The following NIPA1 variants were observed in gnomAD, a reference collection of about 807,000 sequenced individuals.
NIPA1 encodes magnesium transporter NIPA1.
A neutral mutation model predicts 23.9 loss-of-function variants in NIPA1; 13 were observed. That is an observed-to-expected ratio of 0.54 (90% CI 0.35 to 0.87). The LOEUF is 0.87. Ranked by LOEUF, NIPA1 falls within the 40% of genes least tolerant of loss-of-function variation. The probability of loss-of-function intolerance (pLI) is 0.01; values close to 1 mark genes in which losing one functional copy is unlikely to be tolerated. For missense variants in NIPA1, 362 were observed against 429.7 expected (o/e 0.84, Z 1.39); for synonymous variants, 234 against 202.9 (o/e 1.15, Z -1.30).
chr15:22,818,280 C>T (rs569070031), intron 3 of NIPA1, among the ~76,000 whole-genome samples: 13 of 149,258 alleles, frequency 8.7e-5, no homozygotes, highest in African/African-American at 2.7e-4. Flanking sequence ...CTACTAAATA[C>T]AAAAAATTAG....
At chr15:22,805,217 G>C (rs186380019) in intron 1 of NIPA1, among the ~76,000 whole-genome samples, 20 of 152,226 alleles carry the variant, frequency 1.3e-4, no homozygotes, top group African/African-American at 4.3e-4. Context: ...TATTTCTTAG[G>C]AAAAATAAGT....
At position 22,793,078 on chromosome 15, in the gene NIPA1, G is replaced by A. The variant is rs139626214; in HGVS notation, c.178+6244G>A. On this transcript the variant is annotated intron_variant, in intron 1 of 4. Coordinates refer to ENST00000337435, the MANE Select transcript of NIPA1 (RefSeq NM_144599.5). The stretch of plus-strand genomic sequence containing the variant: ...TCTGTCTCAAAAATCCCGGGCGTGC[G>A]GTGGCTCATGCCTATAATCACAGCA... 1.4e-3 allele frequency among the ~76,000 whole-genome samples: 210 copies of A among 151,536 alleles called. 1 individual carries two copies. The highest frequency in any genetic ancestry group is 4.5e-3 in the African/African-American group (185 of 41,308).
intron 1 of NIPA1, among the ~76,000 whole-genome samples, chr15:22,796,182 A>G (rs538738132): frequency 1.3e-3 from 198 of 152,106 alleles, no homozygotes; most frequent in Non-Finnish European, 2.3e-3. Context: ...TCAGCCTCCC[A>G]AAGTGCTGGG....
At chr15:22,796,899 G>A (rs1350672336) in intron 1 of NIPA1, among the ~76,000 whole-genome samples, 1 of 152,088 alleles carries the variant, frequency 6.6e-6, no homozygotes, top group Non-Finnish European at 1.5e-5. Flanking sequence ...CCTAGGCTTA[G>A]TCATATTTTT....
intron 1 of NIPA1, among the ~76,000 whole-genome samples, chr15:22,803,826 C>G (rs1173802687): frequency 6.7e-6 from 1 of 150,178 alleles, no homozygotes; most frequent in African/African-American, 2.5e-5. Context: ...ACTACAGGCA[C>G]CCGCCACCAC....
rs577577326 is a variant in NIPA1, at chr15:22,805,954, C to T, written c.179-4795C>T. Among the ~76,000 whole-genome samples the T allele has an allele frequency of 1.1e-4, 16 of 152,066 alleles. No homozygotes were observed. The South Asian group carries it at 3.3e-3, about 32-fold the overall frequency. On this transcript the variant is annotated intron_variant, in intron 1 of 4. Transcript: ENST00000337435. Reference sequence around the variant, plus strand: ...ATTTATTTATTTTGGGATGGAGTCTCACTCTGTCGCCCAGGCTGGAGTGCA... The same window carrying T: ...ATTTATTTATTTTGGGATGGAGTCTTACTCTGTCGCCCAGGCTGGAGTGCA...
intron 1 of NIPA1, among the ~76,000 whole-genome samples, chr15:22,788,987 T>C (rs1023469108): frequency 5.9e-5 from 9 of 151,816 alleles, no homozygotes; most frequent in Non-Finnish European, 1.2e-4. Flanking sequence ...TTCATTTATT[T>C]ATTTTTTATT....
intron 3 of NIPA1, chr15:22,813,497 A>G: frequency 2.8e-6 from 1 of 361,904 alleles, no homozygotes; most frequent in South Asian, 2.2e-5. Flanking sequence ...CTTATTAAAT[A>G]ACATATATCC....
In NIPA1 at chr15:22,822,793, A is replaced by G. The variant is rs981693560; in HGVS notation, c.479-935A>G. Among the ~76,000 whole-genome samples the G allele has an allele frequency of 3.3e-5, 5 of 151,948 alleles. No homozygotes were observed. In the South Asian group the frequency reaches 8.3e-4, roughly 25 times the overall value. ...AGTGAGCAGAGATCGTGCTATTGCA[A>G]TCCAGCCTGGGCAACAAAGAGCAAA... On this transcript the variant is annotated intron_variant, in intron 4 of 4. Coordinates refer to ENST00000337435, the MANE Select transcript of NIPA1 (RefSeq NM_144599.5).
chr15:22,800,036 T>C (rs888183803), intron 1 of NIPA1, among the ~76,000 whole-genome samples: 7 of 136,870 alleles, frequency 5.1e-5, no homozygotes, highest in Non-Finnish European at 1.1e-4. Context: ...AAGACTGGGG[T>C]GAGGGTTGAA....
intron 3 of NIPA1, chr15:22,819,243 A>G (rs951639907): frequency 7.2e-5 from 11 of 152,128 alleles, no homozygotes; most frequent in African/African-American, 2.2e-4. Context: ...CTTAGGTTCA[A>G]TGCTGACCCT....
chr15:22,812,868 C>A (rs943816551), intron 3 of NIPA1, among the ~76,000 whole-genome samples: 3 of 152,074 alleles, frequency 2.0e-5, no homozygotes, highest in Non-Finnish European at 4.4e-5. Flanking sequence ...TCTTCTGACA[C>A]CTTGGCAAGT....
chr15:22,798,238 CTT>C (rs10582336), intron 1 of NIPA1, among the ~76,000 whole-genome samples: 49,022 of 124,496 alleles, frequency 0.39, 8,911 homozygotes, highest in East Asian at 0.8. Context: ...TGCTAAAAAT[CTT>C]TTTTTTTTTT....
chr15:22,824,282 G>A lies in NIPA1; in HGVS notation c.*43G>A. Reference sequence around the variant, plus strand: ...GATGGTTCGAGGAATAGGCATTGGAGGTGGTTTCTGGCCGTGATTGGATGT... The same window carrying A: ...GATGGTTCGAGGAATAGGCATTGGAAGTGGTTTCTGGCCGTGATTGGATGT... On this transcript the variant is annotated 3_prime_UTR_variant, in exon 5 of 5. Coordinates refer to ENST00000337435, the MANE Select transcript of NIPA1 (RefSeq NM_144599.5). The surrounding 1 kb of genome is among the most constrained non-coding windows in gnomAD (Gnocchi z 4.1). The A allele has an allele frequency of 6.5e-7, 1 of 1,545,492 alleles. No individual in the cohort carries two copies. Among genetic ancestry groups the A allele is most frequent in the Non-Finnish European group, 8.9e-7 (1 of 1,118,002 alleles).
chr15:22,811,898 T>A (rs1895324607), intron 2 of NIPA1, among the ~76,000 whole-genome samples: 1 of 152,186 alleles, frequency 6.6e-6, no homozygotes, highest in South Asian at 2.1e-4. Flanking sequence ...ATATGCCCAG[T>A]GCTGCGCCCA....
Position 22,791,475 on chromosome 15 carries a change from C to CTTTTTTTTTT in NIPA1, c.178+4656_178+4665dup, listed in dbSNP as rs11428709. On this transcript the variant is annotated intron_variant, in intron 1 of 4. Coordinates refer to ENST00000337435, the MANE Select transcript of NIPA1 (RefSeq NM_144599.5). Reference sequence around the variant, plus strand: ...ATTTGAGGCATGGCTTCCTCTTTCACTTTTTTTTTTTTTTTTTTTTTTTTG... The same window carrying CTTTTTTTTTT: ...ATTTGAGGCATGGCTTCCTCTTTCACTTTTTTTTTTTTTTTTTTTTTTTTTTTTTTTTTTG... 5.5e-4 allele frequency among the ~76,000 whole-genome samples: 10 copies of CTTTTTTTTTT among 18,072 alleles called. 2 individuals carry two copies. The highest frequency in any genetic ancestry group is 7.1e-4 in the African/African-American group (4 of 5,644). The allele number at this position is 18,072 out of a possible 152,430, so 11.9% of individuals were successfully genotyped here. A position where few individuals can be genotyped will look rare whatever the true frequency, so the allele number is the denominator to read the frequency against.
chr15:22,816,580 C>T (rs1471606837), intron 3 of NIPA1, among the ~76,000 whole-genome samples: 1 of 146,474 alleles, frequency 6.8e-6, no homozygotes, highest in African/African-American at 2.5e-5. Flanking sequence ...CAACCTCGGC[C>T]TCCTGGGTTC....
rs1309017898 is a variant in NIPA1, at chr15:22,829,358, A to C, written c.*5119A>C. The C allele has an allele frequency of 6.6e-6, 1 of 152,414 alleles. No homozygotes were observed. Among genetic ancestry groups the C allele is most frequent in the African/African-American group, 2.4e-5 (1 of 41,436 alleles). The allele number at this position is 152,414 out of a possible 1,614,324, so 9.4% of individuals were successfully genotyped here. ...CGAATGTCAGGGCTCCCAAACCACT[A>C]GTGCCAAAGGGTCATGTTGAAAAGT... On this transcript the variant is annotated 3_prime_UTR_variant, in exon 5 of 5. Coordinates refer to ENST00000337435, the MANE Select transcript of NIPA1 (RefSeq NM_144599.5).
upstream of NIPA1, chr15:22,786,368 C>G (rs1894695983): frequency 6.5e-6 from 1 of 153,798 alleles, no homozygotes. Flanking sequence ...GCGTGTTTCT[C>G]CGCGCTGGAA....
Sources: gnomAD v4.1 joint callset for allele counts (sites outside exome capture counted in the v4.1 genomes callset) on GRCh38, gnomAD v4.1.1 for gene constraint, Gnocchi (gnomAD v3.1) non-coding constraint, MANE v1.5 for transcripts, NCBI Gene and HGNC (gene_info 2026-07-23, HGNC 2026-07-21) for gene names.